Variants in NAA15 observed in about 807,000 individuals in gnomAD.
NAA15 encodes N-terminal acetyltransferase.
Under a neutral mutation model 114.0 loss-of-function variants are expected in NAA15, and 34 were observed. That is an observed-to-expected ratio of 0.30 (90% CI 0.23 to 0.40). The LOEUF is 0.40. NAA15 is among the 10% of genes least tolerant of loss of function. NAA15 has a pLI of 1.00. For missense variants in NAA15, 658 were observed against 1,004.5 expected (o/e 0.66, Z 4.66); for synonymous variants, 340 against 338.0 (o/e 1.01, Z -0.06).
intron 9 of NAA15, among the ~76,000 whole-genome samples, chr4:139,351,817 T>C (rs1466358120): frequency 6.6e-6 from 1 of 152,202 alleles, no homozygotes; most frequent in African/African-American, 2.4e-5. Context: ...ATTGCTTGTT[T>C]TCTGTTTCCT....
chr4:139,336,874 T>C lies in NAA15; in HGVS notation c.166T>C (p.Leu56=), dbSNP rs762133797. The change falls in exon 3 of 20, where the codon TTG becomes CTG. Residue 56 remains leucine, a synonymous_variant. Transcript: ENST00000296543. ...AACCTTGGCTATGAAAGGATTAACA[T>C]TGAACTGTTTGGGGAAAAAGGAAGA... ...GETLAMKGLT[L]NCLGKKEEAY... is the part of the protein sequence containing the mutation. 5.6e-6 allele frequency: 9 copies of C among 1,594,510 alleles called. No individual in the cohort carries two copies. The highest frequency in any genetic ancestry group is 5.2e-5 in the Admixed American group (3 of 57,668).
intron 6 of NAA15, 134 bp from the exon 7 acceptor site, chr4:139,349,326 AAC>A (rs1560969027): frequency 4.5e-5 from 31 of 681,874 alleles, no homozygotes; most frequent in Non-Finnish European, 6.7e-5. Flanking sequence ...ATCTTAAGGG[AAC>A]TGGAACCAGG....
chr4:139,309,426 AGTGTGTGTGTGTGTGTGTGTGT>A (rs70943412), intron 1 of NAA15, among the ~76,000 whole-genome samples: 2 of 143,670 alleles, frequency 1.4e-5, no homozygotes, highest in Non-Finnish European at 3.0e-5. Flanking sequence ...TTGCTTTTTA[AGTGTGTGTGTGTGTGTGTGTGT>A]GTGTGTGTGT....
chr4:139,316,183 G>A lies in NAA15; in HGVS notation c.54+14352G>A. Among the ~76,000 whole-genome samples the A allele has an allele frequency of 1.3e-5, 2 of 151,680 alleles. 1 individual carries two copies. Among genetic ancestry groups the A allele is most frequent in the Non-Finnish European group, 2.9e-5 (2 of 67,956 alleles). On this transcript the variant is annotated intron_variant, in intron 1 of 19. Transcript: ENST00000296543. ...TCTAGTAGATTCCTCAGGAATGCTT[G>A]TGAAACAATTTCTTAAATTTTTACA...
At chr4:139,307,559 G>T (rs1026710002) in intron 1 of NAA15, among the ~76,000 whole-genome samples, 4 of 152,212 alleles carry the variant, frequency 2.6e-5, no homozygotes, top group Admixed American at 6.5e-5. Context: ...GAGCTACTGT[G>T]CCTGGCCTGG....
intron 1 of NAA15, among the ~76,000 whole-genome samples, chr4:139,310,846 A>G (rs1395130492): frequency 6.6e-6 from 1 of 151,694 alleles, no homozygotes; most frequent in African/African-American, 2.4e-5. Context: ...CTTGAACTCC[A>G]GGCCTCAGGT....
chr4:139,348,308 T>C (rs1289936404), intron 6 of NAA15, among the ~76,000 whole-genome samples: 1 of 151,686 alleles, frequency 6.6e-6, no homozygotes, highest in Non-Finnish European at 1.5e-5. Context: ...ACAAAAATTA[T>C]CCAGGCATGG....
At chr4:139,375,496 C>G (rs1748557693) in intron 15 of NAA15, among the ~76,000 whole-genome samples, 1 of 151,116 alleles carries the variant, frequency 6.6e-6, no homozygotes, top group Non-Finnish European at 1.5e-5. Flanking sequence ...AAACAATTTT[C>G]TTGCCCAGAA....
intron 13 of NAA15, 40 bp from the exon 14 acceptor site, chr4:139,361,684 G>T (rs1186185960): frequency 7.8e-7 from 1 of 1,274,240 alleles, no homozygotes; most frequent in Non-Finnish European, 1.1e-6. Context: ...CTTAGCCATT[G>T]CTGTACTTCG....
chr4:139,324,067 A>G (rs1481365935), intron 1 of NAA15, among the ~76,000 whole-genome samples: 2 of 152,082 alleles, frequency 1.3e-5, no homozygotes, highest in Non-Finnish European at 2.9e-5. Flanking sequence ...TATTTTTTGT[A>G]GAGACAGGGT....
chr4:139,357,763 A>G lies in NAA15; in HGVS notation c.1257+208A>G, dbSNP rs552440941. Among the ~76,000 whole-genome samples, 7 of 152,326 alleles carry G rather than the reference A, an allele frequency of 4.6e-5. No individual in the cohort carries two copies. In the South Asian group the frequency reaches 1.4e-3, roughly 32 times the overall value. On this transcript the variant is annotated intron_variant, in intron 11 of 19. Coordinates refer to ENST00000296543, the MANE Select transcript of NAA15 (RefSeq NM_057175.5). ...GATTTATCTATATCCGTATACACAC[A>G]CATACGTACATACATTAATGTATAT...
rs150388104 is a variant in NAA15, at chr4:139,341,253, A to G, written c.402+184A>G. Among the ~76,000 whole-genome samples the G allele has an allele frequency of 2.6e-3, 389 of 152,080 alleles. 2 individuals are homozygous for G. Among genetic ancestry groups the G allele is most frequent in the African/African-American group, 8.2e-3 (341 of 41,500 alleles). Reference sequence around the variant, plus strand: ...CAGATCTTTAAAAATAAATTATTTTATGGTGAGGCAGATTTGGCCTACTGT... The same window carrying G: ...CAGATCTTTAAAAATAAATTATTTTGTGGTGAGGCAGATTTGGCCTACTGT... On this transcript the variant is annotated intron_variant, in intron 4 of 19. Transcript: ENST00000296543.
intron 1 of NAA15, among the ~76,000 whole-genome samples, chr4:139,308,906 C>T (rs993643210): frequency 2.6e-5 from 4 of 151,948 alleles, no homozygotes; most frequent in Non-Finnish European, 4.4e-5. Flanking sequence ...CGTGAGCCAC[C>T]GCACCCTGCC....
At chr4:139,322,935 C>T (rs1263673624) in intron 1 of NAA15, among the ~76,000 whole-genome samples, 1 of 152,092 alleles carries the variant, frequency 6.6e-6, no homozygotes, top group Admixed American at 6.6e-5. Flanking sequence ...AAGTGACCCG[C>T]CCACCTTGTC....
chr4:139,378,886 T>C, intron 17 of NAA15, 32 bp downstream of exon 17: 1 of 1,322,332 alleles, frequency 7.6e-7, no homozygotes, highest in South Asian at 1.4e-5. Context: ...CTTAAGTATT[T>C]GATACAGTGG....
At chr4:139,380,269 A>G (rs1485939997) in intron 17 of NAA15, among the ~76,000 whole-genome samples, 4 of 144,216 alleles carry the variant, frequency 2.8e-5, no homozygotes, top group Admixed American at 1.4e-4. Flanking sequence ...GGGGGGGGGG[A>G]GTATGAAAAA....
intron 1 of NAA15, among the ~76,000 whole-genome samples, chr4:139,311,507 T>G (rs1043932866): frequency 2.6e-5 from 4 of 151,970 alleles, no homozygotes; most frequent in Non-Finnish European, 4.4e-5. Context: ...ATGGTAAGAC[T>G]TTGAAGTTTA....
At position 139,340,976 on chromosome 4, in the gene NAA15, C is replaced by T; in HGVS notation, c.309C>T (p.Tyr103=). Residue 103 remains tyrosine (Y), a synonymous_variant, in exon 4 of 20, where the codon TAC becomes TAT. Coordinates refer to ENST00000296543, the MANE Select transcript of NAA15 (RefSeq NM_057175.5). ...AGTATGATGAAGCCATTAAGTGTTA[C>T]AGAAATGCACTAAAATGGGATAAAG... ...DKKYDEAIKC[Y]RNALKWDKDN... The T allele has an allele frequency of 5.6e-6, 9 of 1,608,970 alleles. No homozygotes were observed. The highest frequency in any genetic ancestry group is 7.6e-6 in the Non-Finnish European group (9 of 1,177,870).
intron 18 of NAA15, among the ~76,000 whole-genome samples, chr4:139,385,342 TTTC>T (rs1451566232): frequency 7.0e-6 from 1 of 143,004 alleles, no homozygotes; most frequent in Non-Finnish European, 1.5e-5. Context: ...CATTTTTTAA[TTTC>T]TTACGGCAAA....
Sources: gnomAD v4.1 joint callset for allele counts (sites outside exome capture counted in the v4.1 genomes callset) on GRCh38, gnomAD v4.1.1 for gene constraint, MANE v1.5 for transcripts, NCBI Gene and HGNC (gene_info 2026-07-23, HGNC 2026-07-21) for gene names.